The following EVA1C variants were observed in gnomAD, a reference collection of about 807,000 sequenced individuals.
The protein encoded by EVA1C is protein eva-1 homolog C.
EVA1C carries 25 observed loss-of-function variants against 45.4 expected under a neutral mutation model. That is an observed-to-expected ratio of 0.55 (90% CI 0.40 to 0.77). The LOEUF is 0.77. EVA1C is among the 30% of genes least tolerant of loss of function. The pLI is 0.00. For missense variants in EVA1C, 479 were observed against 554.8 expected, an observed-to-expected ratio of 0.86 and a Z score of 1.37; for synonymous variants, 190 against 221.2, an observed-to-expected ratio of 0.86 and a Z score of 1.25.
At chr21:32,436,828 C>T (rs1484810673) in intron 1 of EVA1C, among the ~76,000 whole-genome samples, 3 of 152,130 alleles carry the variant, frequency 2.0e-5, no homozygotes, top group Non-Finnish European at 4.4e-5. Flanking sequence ...CGTCTGCCCA[C>T]GCACATGTTC....
chr21:32,460,501 G>A (rs2035958319), intron 3 of EVA1C, among the ~76,000 whole-genome samples: 1 of 152,322 alleles, frequency 6.6e-6, no homozygotes, highest in East Asian at 1.9e-4. Context: ...GGAACTCTGT[G>A]TGGTTCAGCA....
chr21:32,507,707 C>G (rs1358909605), intron 7 of EVA1C, among the ~76,000 whole-genome samples: 1 of 141,472 alleles, frequency 7.1e-6, no homozygotes, highest in Non-Finnish European at 1.5e-5. Context: ...CGTATGTGCA[C>G]GTGTGTGTGC....
At chr21:32,423,438 T>G (rs1420553548) in intron 1 of EVA1C, among the ~76,000 whole-genome samples, 1 of 152,132 alleles carries the variant, frequency 6.6e-6, no homozygotes, top group Non-Finnish European at 1.5e-5. Context: ...AAAAAATCAT[T>G]CCTTCCCTGG....
At chr21:32,483,040 G>A (rs992348218) in intron 4 of EVA1C, among the ~76,000 whole-genome samples, 50 of 1,234 alleles carry the variant, frequency 0.041, no homozygotes, top group African/African-American at 0.21. Context: ...TTTGTTTTCA[G>A]TAGAGACGAG....
chr21:32,423,787 G>A (rs927913321), intron 1 of EVA1C, among the ~76,000 whole-genome samples: 4 of 152,116 alleles, frequency 2.6e-5, no homozygotes, highest in Non-Finnish European at 1.5e-5. Context: ...CAATCTGAGA[G>A]CCAAGTTTTC....
Position 32,435,656 on chromosome 21 carries a change from T to A in EVA1C, c.161-17656T>A, listed in dbSNP as rs533112525. Among the ~76,000 whole-genome samples, 20 of 152,332 alleles carry A rather than the reference T, an allele frequency of 1.3e-4. No individual in the cohort carries two copies. The South Asian group carries it at 4.1e-3, about 32-fold the overall frequency. ...AACCCCTGCTGATTTTATGGCTAAA[T>A]CCCTGTCTTTACAGTCAGGACCAGC... On this transcript the variant is annotated intron_variant, in intron 1 of 7. Coordinates refer to ENST00000300255, the MANE Select transcript of EVA1C (RefSeq NM_058187.5).
intron 2 of EVA1C, among the ~76,000 whole-genome samples, chr21:32,453,783 T>A (rs1264417845): frequency 1.3e-5 from 2 of 152,232 alleles, no homozygotes; most frequent in Non-Finnish European, 2.9e-5. Context: ...TACTCCTTAC[T>A]TTAGTATAGC....
chr21:32,437,294 C>T (rs189721526), intron 1 of EVA1C, among the ~76,000 whole-genome samples: 407 of 152,378 alleles, frequency 2.7e-3, no homozygotes, highest in African/African-American at 9.2e-3. Context: ...ACAGGCCAAA[C>T]ACCCATGAGT....
intron 1 of EVA1C, among the ~76,000 whole-genome samples, chr21:32,451,287 C>T (rs1463199924): frequency 6.6e-6 from 1 of 152,238 alleles, no homozygotes; most frequent in Non-Finnish European, 1.5e-5. Context: ...AGACCAAGGG[C>T]TGCCAAGCTG....
chr21:32,442,663 T>TA (rs111617678), intron 1 of EVA1C, among the ~76,000 whole-genome samples: 26,004 of 111,232 alleles, frequency 0.23, 2,789 homozygotes, highest in Middle Eastern at 0.35. Context: ...TGGCAGGTTA[T>TA]AAAAAAAAAA....
intron 4 of EVA1C, among the ~76,000 whole-genome samples, chr21:32,475,100 G>A (rs2036508330): frequency 6.6e-6 from 1 of 152,214 alleles, no homozygotes; most frequent in South Asian, 2.1e-4. Context: ...AGGGAGCTTT[G>A]TGGTGAGTCC....
intron 1 of EVA1C, among the ~76,000 whole-genome samples, chr21:32,440,914 A>G (rs1252108617): frequency 6.6e-6 from 1 of 152,204 alleles, no homozygotes; most frequent in Non-Finnish European, 1.5e-5. Flanking sequence ...CAGCCTGACC[A>G]ACATGGAGAA....
chr21:32,468,001 T>C, intron 4 of EVA1C, 153 bp downstream of exon 4: 1 of 391,308 alleles, frequency 2.6e-6, no homozygotes, highest in Middle Eastern at 7.1e-4. Context: ...TAATACTTAA[T>C]AAACTCCCGT....
chr21:32,467,720 G>A lies in EVA1C; in HGVS notation c.506G>A (p.Cys169Tyr). Residue 169 changes from cysteine to tyrosine, a missense_variant, in exon 4 of 8, where the codon TGT becomes TAT. Cys to Tyr is a radical substitution (Grantham distance 194). This residue lies in a region of EVA1C where 366 missense variants were observed against 426.1 expected (regional missense o/e 0.86). Coordinates refer to ENST00000300255, the MANE Select transcript of EVA1C (RefSeq NM_058187.5). ...GATGAATTAAAAAACAAAACCGTGT[G>A]TGAAGACCAGGAGCTGAAACTGCAC... ...QPNELKNKTVCEDQELKLHCH... is the reference protein window; with the variant it reads ...QPNELKNKTVYEDQELKLHCH... 1.2e-6 allele frequency: 2 copies of A among 1,608,382 alleles called. No individual in the cohort carries two copies. The highest frequency in any genetic ancestry group is 1.7e-6 in the Non-Finnish European group (2 of 1,177,874).
chr21:32,465,881 C>T (rs998816646), intron 3 of EVA1C, among the ~76,000 whole-genome samples: 3 of 152,066 alleles, frequency 2.0e-5, no homozygotes, highest in African/African-American at 7.2e-5. Flanking sequence ...GTGTACAATC[C>T]CATGATTTTC....
chr21:32,460,663 T>C (rs1380898175), intron 3 of EVA1C, among the ~76,000 whole-genome samples: 1 of 152,226 alleles, frequency 6.6e-6, no homozygotes, highest in East Asian at 1.9e-4. Flanking sequence ...TGATATTCAC[T>C]GTGAGTTTCA....
At chr21:32,465,774 A>G (rs890487343) in intron 3 of EVA1C, among the ~76,000 whole-genome samples, 1 of 152,208 alleles carries the variant, frequency 6.6e-6, no homozygotes, top group African/African-American at 2.4e-5. Context: ...CTGGGATTAC[A>G]GGTGTGAGCC....
chr21:32,467,082 G>T lies in EVA1C; in HGVS notation c.482-614G>T, dbSNP rs1413594250. ...CTTGAGCCTAGGTTTGAGCCCAAGAGTTCGAGGCTGCAGTGAGCTATGATT... is the reference window on the plus strand; with the variant it reads ...CTTGAGCCTAGGTTTGAGCCCAAGATTTCGAGGCTGCAGTGAGCTATGATT... On this transcript the variant is annotated intron_variant, in intron 3 of 7. Transcript: ENST00000300255. 2.6e-5 allele frequency among the ~76,000 whole-genome samples: 4 copies of T among 152,150 alleles called. No individual in the cohort carries two copies. The East Asian group carries it at 5.8e-4, about 22-fold the overall frequency.
chr21:32,491,594 G>T (rs2037159437), intron 4 of EVA1C, among the ~76,000 whole-genome samples: 1 of 145,168 alleles, frequency 6.9e-6, no homozygotes, highest in Non-Finnish European at 1.5e-5. Context: ...TGGGGCAAGA[G>T]AATTGGTTGA....
Sources: gnomAD v4.1 joint callset for allele counts (sites outside exome capture counted in the v4.1 genomes callset) on GRCh38, gnomAD v4.1.1 for gene constraint, gnomAD v4.1.1 regional missense constraint, MANE v1.5 for transcripts, NCBI Gene and HGNC (gene_info 2026-07-23, HGNC 2026-07-21) for gene names.